BMPER: variants seen among roughly 807,000 people sequenced by gnomAD.
BMPER encodes BMP binding endothelial regulator, also known as BMP-binding endothelial regulator protein.
In BMPER, 45 loss-of-function variants were observed where a neutral mutation model predicts 87.3. The ratio of observed to expected loss-of-function variants is 0.52; its 90% CI spans 0.41 to 0.66. The LOEUF (loss-of-function observed/expected upper bound fraction) is 0.66, where lower values mean the gene tolerates loss of function less well. Ranked by LOEUF, BMPER falls within the 30% of genes least tolerant of loss-of-function variation. The pLI, the probability that BMPER is intolerant of heterozygous loss-of-function variation, is 0.00. For synonymous variants in BMPER, 326 were observed against 316.2 expected (o/e 1.03, Z -0.33); for missense variants, 784 against 867.5 (o/e 0.90, Z 1.21).
At chr7:34,131,872 GT>G in intron 13 of BMPER, among the ~76,000 whole-genome samples, 1 of 152,300 alleles carries the variant, frequency 6.6e-6, no homozygotes, top group East Asian at 1.9e-4. Context: ...CTGAACTTCA[GT>G]GGGGCTGGAG....
intron 11 of BMPER, among the ~76,000 whole-genome samples, chr7:34,075,558 A>C (rs1281335836): frequency 6.6e-6 from 1 of 152,200 alleles, no homozygotes; most frequent in African/African-American, 2.4e-5. Flanking sequence ...AAAATGTGCC[A>C]CCAGTCATAA....
chr7:34,120,200 A>G (rs1168544662), intron 13 of BMPER, among the ~76,000 whole-genome samples: 1 of 152,240 alleles, frequency 6.6e-6, no homozygotes, highest in Non-Finnish European at 1.5e-5. Context: ...GTGATTTAAT[A>G]GACATATTTA....
rs139772470 is a variant in BMPER at position 34,150,702 on chromosome 7, G to A, written c.1877-2390G>A. Among the ~76,000 whole-genome samples, 16 of 152,246 alleles carry A rather than the reference G, an allele frequency of 1.1e-4. No homozygotes were observed. In the East Asian group the frequency reaches 3.1e-3, roughly 29 times the overall value. On this transcript the variant is annotated intron_variant, in intron 14 of 14. Coordinates refer to ENST00000649409, the MANE Select transcript of BMPER (RefSeq NM_001365308.1). ...TTGAGAGACTTAAAGGAAGGGTTAT[G>A]TCAATCCACCCACTCACTCACCCAT...
rs150938980 is a variant in BMPER, at chr7:34,078,722, C to G, written c.1079-135C>G. On this transcript the variant is annotated intron_variant, in intron 11 of 14. Transcript: ENST00000649409. ...GTTTGACACGAACCTTTAAAAACGA[C>G]CACTTTTTTTTTTAAGTTGATTTCC... 4.5e-6 allele frequency: 4 copies of G among 888,438 alleles called. No homozygotes were observed. The Admixed American group carries it at 8.5e-5, about 19-fold the overall frequency. 55.0% of individuals were successfully genotyped at this position (888,438 alleles called of 1,614,324 possible). A position where few individuals can be genotyped will look rare whatever the true frequency, so the allele number is the denominator to read the frequency against.
At chr7:33,961,816 A>G (rs1365863426) in intron 3 of BMPER, among the ~76,000 whole-genome samples, 2 of 152,130 alleles carry the variant, frequency 1.3e-5, no homozygotes, top group African/African-American at 4.8e-5. Context: ...TTGTGAGTTC[A>G]TTGTGAAGGT....
intron 13 of BMPER, among the ~76,000 whole-genome samples, chr7:34,104,448 C>G (rs541970379): frequency 9.2e-5 from 14 of 152,310 alleles, no homozygotes; most frequent in Admixed American, 5.2e-4. Context: ...TGAATTCTAA[C>G]TTTGGCTGCA....
At chr7:34,020,124 A>G (rs1436126076) in intron 6 of BMPER, among the ~76,000 whole-genome samples, 1 of 151,864 alleles carries the variant, frequency 6.6e-6, no homozygotes, top group African/African-American at 2.4e-5. Context: ...TAGAGTGAAC[A>G]GTGAAAGCAA....
chr7:33,905,486 C>A, upstream of BMPER: 1 of 1,260,880 alleles, frequency 7.9e-7, no homozygotes, highest in African/African-American at 1.6e-5. Context: ...CTCGGGCGCC[C>A]GCCTCCCTCC....
At chr7:33,939,340 C>G (rs1192730547) in intron 3 of BMPER, among the ~76,000 whole-genome samples, 1 of 152,110 alleles carries the variant, frequency 6.6e-6, no homozygotes, top group Admixed American at 6.6e-5. Context: ...CCTGAACATT[C>G]TTTTTGGGCT....
intron 3 of BMPER, among the ~76,000 whole-genome samples, chr7:33,954,738 T>G (rs1785110297): frequency 6.6e-6 from 1 of 152,186 alleles, no homozygotes; most frequent in Non-Finnish European, 1.5e-5. Flanking sequence ...CTCCCATGAG[T>G]GCCTGCTTTA....
chr7:34,144,985 G>A (rs1012261368), intron 14 of BMPER, among the ~76,000 whole-genome samples: 6 of 152,192 alleles, frequency 3.9e-5, no homozygotes, highest in Non-Finnish European at 5.9e-5. Context: ...TGATTGCAGT[G>A]TACAGACATT....
At chr7:33,919,971 T>G (rs2128604152) in intron 2 of BMPER, among the ~76,000 whole-genome samples, 1 of 119,312 alleles carries the variant, frequency 8.4e-6, no homozygotes, top group Admixed American at 8.0e-5. Context: ...TTATATAACA[T>G]TTGGATAATG....
At chr7:33,914,386 C>T (rs1420574304) in intron 2 of BMPER, among the ~76,000 whole-genome samples, 1 of 152,046 alleles carries the variant, frequency 6.6e-6, no homozygotes, top group African/African-American at 2.4e-5. Context: ...ACGTTTATAG[C>T]GCTTGGCAAG....
At chr7:34,024,388 T>TAC (rs1787297402) in intron 6 of BMPER, among the ~76,000 whole-genome samples, 2 of 5,194 alleles carry the variant, frequency 3.9e-4, no homozygotes, top group African/African-American at 1.4e-3. Flanking sequence ...AAAAACAATA[T>TAC]ATATATATAT....
chr7:34,100,214 C>T (rs1383247807), intron 13 of BMPER, among the ~76,000 whole-genome samples: 1 of 152,126 alleles, frequency 6.6e-6, no homozygotes, highest in East Asian at 1.9e-4. Flanking sequence ...CAACCAATAT[C>T]CTCAGAAATA....
intron 2 of BMPER, among the ~76,000 whole-genome samples, chr7:33,924,262 CT>C (rs772659641): frequency 2.4e-4 from 36 of 152,332 alleles, no homozygotes; most frequent in Middle Eastern, 6.8e-3. Context: ...TGGATTATTT[CT>C]AACTACCTGT....
intron 6 of BMPER, among the ~76,000 whole-genome samples, chr7:34,021,875 C>G (rs1333558701): frequency 6.6e-6 from 1 of 151,956 alleles, no homozygotes; most frequent in Non-Finnish European, 1.5e-5. Flanking sequence ...GATGCAAAAT[C>G]TTGAAATGTA....
At chr7:34,084,942 G>T (rs1341338066) in intron 12 of BMPER, among the ~76,000 whole-genome samples, 1 of 152,258 alleles carries the variant, frequency 6.6e-6, no homozygotes, top group South Asian at 2.1e-4. Flanking sequence ...ACATTCTGGA[G>T]TAAAGAGAAT....
chr7:33,932,672 C>T (rs1585649668), intron 2 of BMPER, among the ~76,000 whole-genome samples: 1 of 152,156 alleles, frequency 6.6e-6, no homozygotes, highest in East Asian at 1.9e-4. Context: ...ACATTTCTCC[C>T]TCCACTACCC....
Sources: gnomAD v4.1 joint callset for allele counts (sites outside exome capture counted in the v4.1 genomes callset) on GRCh38, gnomAD v4.1.1 for gene constraint, MANE v1.5 for transcripts, NCBI Gene and HGNC (gene_info 2026-07-23, HGNC 2026-07-21) for gene names.